ARIH2: variants seen among roughly 807,000 people sequenced by gnomAD.
The protein encoded by ARIH2 is E3 ubiquitin-protein ligase ARIH2.
A neutral mutation model predicts 79.8 loss-of-function variants in ARIH2; 12 were observed. The ratio of observed to expected loss-of-function variants is 0.15; its 90% CI spans 0.10 to 0.24. The LOEUF is 0.24. Among genes scored for constraint, ARIH2 ranks in the 10% least tolerant of loss-of-function variants. The pLI is 1.00. For missense variants in ARIH2, 301 were observed against 618.3 expected (o/e 0.49, Z 5.44); for synonymous variants, 224 against 213.9 (o/e 1.05, Z -0.41).
chr3:48,978,476 TATATA>T (rs1336791656), intron 11 of ARIH2, among the ~76,000 whole-genome samples: 59 of 70,048 alleles, frequency 8.4e-4, no homozygotes, highest in South Asian at 2.0e-3. Flanking sequence ...TATATATATA[TATATA>T]TATTTTTTTT....
chr3:48,941,295 A>T (rs2088176929), intron 3 of ARIH2, among the ~76,000 whole-genome samples: 1 of 152,188 alleles, frequency 6.6e-6, no homozygotes, highest in Non-Finnish European at 1.5e-5. Context: ...TAGCATCCTA[A>T]AGCTACAAAA....
intron 2 of ARIH2, among the ~76,000 whole-genome samples, chr3:48,926,225 T>C (rs1259373499): frequency 6.6e-6 from 1 of 151,952 alleles, no homozygotes; most frequent in Admixed American, 6.6e-5. Flanking sequence ...TTTTCTTTTT[T>C]GAGATGGAGT....
intron 5 of ARIH2, 46 bp from the exon 6 acceptor site, chr3:48,967,079 C>A: frequency 6.2e-7 from 1 of 1,600,088 alleles, no homozygotes; most frequent in Middle Eastern, 1.7e-4. Context: ...TTATGGCCTT[C>A]TGGACCTGAC....
chr3:48,979,283 A>T (rs2092667497), intron 11 of ARIH2, among the ~76,000 whole-genome samples, 199 bp from the exon 12 acceptor site: 1 of 152,218 alleles, frequency 6.6e-6, no homozygotes, highest in Admixed American at 6.5e-5. Flanking sequence ...TTTTGTTCCT[A>T]TCAGCAAGTA....
intron 11 of ARIH2, among the ~76,000 whole-genome samples, chr3:48,975,462 C>T (rs536344865): frequency 4.3e-4 from 65 of 152,292 alleles, no homozygotes; most frequent in South Asian, 2.3e-3. Flanking sequence ...GTATGCCATC[C>T]GGCCAGGTCA....
intron 7 of ARIH2, among the ~76,000 whole-genome samples, chr3:48,970,323 C>G (rs1244640154): frequency 6.6e-6 from 1 of 152,230 alleles, no homozygotes; most frequent in Non-Finnish European, 1.5e-5. Context: ...TCCTGAGTAG[C>G]TAGGACTATA....
At chr3:48,923,191 AG>A (rs2085062067) in intron 2 of ARIH2, among the ~76,000 whole-genome samples, 1 of 151,746 alleles carries the variant, frequency 6.6e-6, no homozygotes, top group African/African-American at 2.4e-5. Context: ...TGGGCGACAG[AG>A]CGAGACTCCG....
chr3:48,918,894 C>A lies in ARIH2; in HGVS notation c.-266C>A. The A allele has an allele frequency of 6.2e-7, 1 of 1,601,902 alleles. No individual in the cohort carries two copies. On this transcript the variant is annotated 5_prime_UTR_variant, in exon 1 of 16. Coordinates refer to ENST00000356401, the MANE Select transcript of ARIH2 (RefSeq NM_006321.4). ...GAAGCAGCGCGGGCTTGACCGGCGT[C>A]GGCCCGCCGCCTCCGCTGCCGCTTC...
chr3:48,971,596 C>T (rs890431435), intron 8 of ARIH2, among the ~76,000 whole-genome samples: 3 of 152,286 alleles, frequency 2.0e-5, no homozygotes, highest in African/African-American at 7.2e-5. Flanking sequence ...CCTAGTAAAT[C>T]GTAGAGCCAT....
intron 3 of ARIH2, among the ~76,000 whole-genome samples, chr3:48,937,540 A>G (rs572223519): frequency 1.3e-5 from 2 of 152,250 alleles, no homozygotes; most frequent in South Asian, 2.1e-4. Flanking sequence ...ATAGAGGTCC[A>G]TATTTTTTCT....
chr3:48,949,341 A>G (rs1350380708), intron 3 of ARIH2, among the ~76,000 whole-genome samples: 2 of 152,076 alleles, frequency 1.3e-5, no homozygotes, highest in African/African-American at 2.4e-5. Context: ...GATGGTCTCT[A>G]TCTCCTGACC....
chr3:48,970,619 C>G lies in ARIH2; in HGVS notation c.685C>G (p.Pro229Ala). ...VESHYQLQLC[P>A]GADCPMVIRV... is the part of the protein sequence containing the mutation. ...GAGTCATTACCAGCTCCAGCTGTGC[C>G]CTGGTGCAGACTGCCCCATGGTTAT... The change falls in exon 8 of 16, where the codon CCT becomes GCT. Residue 229 changes from proline (P) to alanine (A), a missense_variant. Physicochemically the swap from Pro to Ala is conservative, Grantham distance 27 (BLOSUM62 -1). Around this residue, in one of 2 missense-constraint regions of ARIH2, gnomAD observed 223 missense variants for 349.4 expected, o/e 0.64. Coordinates refer to ENST00000356401, the MANE Select transcript of ARIH2 (RefSeq NM_006321.4). The G allele has an allele frequency of 6.2e-7, 1 of 1,613,816 alleles. No individual in the cohort carries two copies. The highest frequency in any genetic ancestry group is 8.5e-7 in the Non-Finnish European group (1 of 1,179,712).
chr3:48,933,204 G>A (rs2086610901), intron 3 of ARIH2, among the ~76,000 whole-genome samples: 2 of 150,818 alleles, frequency 1.3e-5, no homozygotes, highest in Non-Finnish European at 2.9e-5. Context: ...CTCCCAAATA[G>A]CTGGGACCAC....
chr3:48,919,379 T>A, intron 1 of ARIH2: 1 of 442,300 alleles, frequency 2.3e-6, no homozygotes, highest in Non-Finnish European at 3.8e-6. Context: ...AACGCCCGCC[T>A]GTGGAGGGTA....
At chr3:48,949,187 G>C (rs917099130) in intron 3 of ARIH2, 12 of 441,750 alleles carry the variant, frequency 2.7e-5, no homozygotes, top group African/African-American at 2.4e-4. Flanking sequence ...GCACGATCTC[G>C]GCTCACTGCA....
chr3:48,937,819 G>A (rs768625257), intron 3 of ARIH2, among the ~76,000 whole-genome samples: 1 of 152,068 alleles, frequency 6.6e-6, no homozygotes. Flanking sequence ...AGGCCAGGGC[G>A]GGTGGATCAT....
At chr3:48,925,974 T>A (rs2106889615) in intron 2 of ARIH2, among the ~76,000 whole-genome samples, 1 of 152,274 alleles carries the variant, frequency 6.6e-6, no homozygotes, top group South Asian at 2.1e-4. Context: ...CGCCTTGGCT[T>A]CCCAAAGTGC....
chr3:48,922,978 T>C (rs973084268), intron 2 of ARIH2, among the ~76,000 whole-genome samples, 167 bp downstream of exon 2: 2 of 151,968 alleles, frequency 1.3e-5, no homozygotes, highest in Non-Finnish European at 1.5e-5. Context: ...GAGGCTGAGG[T>C]GGGCGGATCA....
In ARIH2 at chr3:48,978,415, TTGTGTATGTGTGTGTGTGTGTGTGTGTG is replaced by T. The variant is rs1314977146; in HGVS notation, c.962-1061_962-1034del. Among the ~76,000 whole-genome samples, 11 of 90,696 alleles carry T rather than the reference TTGTGTATGTGTGTGTGTGTGTGTGTGTG, an allele frequency of 1.2e-4. No homozygotes were observed. The East Asian group carries it at 1.9e-3, about 15-fold the overall frequency. 59.5% of individuals were successfully genotyped at this position (90,696 alleles called of 152,430 possible). Reference sequence around the variant, plus strand: ...GCATGTGCCACCACACCTGGCTAATTTGTGTATGTGTGTGTGTGTGTGTGTGTGTGTGTGTGTGTGTGTGTGTGTGTAT... The same window carrying T: ...GCATGTGCCACCACACCTGGCTAATTTGTGTGTGTGTGTGTGTGTGTGTAT... On this transcript the variant is annotated intron_variant, in intron 11 of 15. Coordinates refer to ENST00000356401, the MANE Select transcript of ARIH2 (RefSeq NM_006321.4).
Sources: gnomAD v4.1 joint callset for allele counts (sites outside exome capture counted in the v4.1 genomes callset) on GRCh38, gnomAD v4.1.1 for gene constraint, gnomAD v4.1.1 regional missense constraint, MANE v1.5 for transcripts, NCBI Gene and HGNC (gene_info 2026-07-23, HGNC 2026-07-21) for gene names.